ARIH2: variants seen among roughly 807,000 people sequenced by gnomAD.
The protein encoded by ARIH2 is ariadne RBR E3 ubiquitin protein ligase 2.
Under a neutral mutation model 79.8 loss-of-function variants are expected in ARIH2, and 12 were observed. The observed-to-expected ratio is 0.15, with a 90% CI of 0.10 to 0.24. ARIH2 has a LOEUF of 0.24. Ranked by LOEUF, ARIH2 falls within the 10% of genes least tolerant of loss-of-function variation. ARIH2 has a pLI of 1.00. For missense variants in ARIH2, 301 were observed against 618.3 expected (o/e 0.49, Z 5.44); for synonymous variants, 224 against 213.9 (o/e 1.05, Z -0.41).
chr3:48,948,738 A>G (rs912187719), intron 3 of ARIH2, among the ~76,000 whole-genome samples: 10 of 152,232 alleles, frequency 6.6e-5, no homozygotes, highest in African/African-American at 2.4e-4. Context: ...CCAAGTGACT[A>G]CTGATCTTCT....
Position 48,985,858 on chromosome 3 carries a change from C to G in ARIH2, c.*2588C>G, listed in dbSNP as rs894526523. 6.6e-6 allele frequency: 1 copy of G among 152,162 alleles called. No individual in the cohort carries two copies. The highest frequency in any genetic ancestry group is 2.4e-5 in the African/African-American group (1 of 41,406). The allele number at this position is 152,162 out of a possible 1,614,324, so 9.4% of individuals were successfully genotyped here. A position where few individuals can be genotyped will look rare whatever the true frequency, so the allele number is the denominator to read the frequency against. ...AGAGTACTGATATAAATGTCCCAAC[C>G]CCCCCATTCTGAGACCTCCGGACCC... On this transcript the variant is annotated 3_prime_UTR_variant, in exon 16 of 16. Coordinates refer to ENST00000356401, the MANE Select transcript of ARIH2 (RefSeq NM_006321.4).
chr3:48,961,799 CAT>C (rs1462040463), intron 4 of ARIH2, 120 bp downstream of exon 4: 3 of 638,042 alleles, frequency 4.7e-6, no homozygotes, highest in Non-Finnish European at 8.3e-6. Context: ...ATTTTTAAAA[CAT>C]TGGATTCTAT....
At chr3:48,978,960 CAA>C (rs938959082) in intron 11 of ARIH2, among the ~76,000 whole-genome samples, 3 of 99,120 alleles carry the variant, frequency 3.0e-5, no homozygotes, top group African/African-American at 3.9e-5. Flanking sequence ...GACTCTGTCT[CAA>C]AAAAAAAAAG....
chr3:48,947,297 C>T (rs749683899), intron 3 of ARIH2, among the ~76,000 whole-genome samples: 13 of 152,062 alleles, frequency 8.5e-5, no homozygotes, highest in African/African-American at 1.7e-4. Context: ...CAAAATTAGC[C>T]GGGCGTTGTA....
At chr3:48,943,162 A>C (rs1455720139) in intron 3 of ARIH2, 2 of 151,906 alleles carry the variant, frequency 1.3e-5, no homozygotes. Flanking sequence ...TGTTTTTCTG[A>C]TACATCCACT....
chr3:48,969,953 C>T (rs552132973), intron 7 of ARIH2, among the ~76,000 whole-genome samples: 2 of 150,706 alleles, frequency 1.3e-5, no homozygotes, highest in Admixed American at 6.6e-5. Flanking sequence ...TACAGGGACA[C>T]GATCTCAGCT....
At chr3:48,949,847 T>C (rs2089723102) in intron 3 of ARIH2, among the ~76,000 whole-genome samples, 2 of 152,068 alleles carry the variant, frequency 1.3e-5, no homozygotes, top group African/African-American at 2.4e-5. Context: ...TTTTACTCCA[T>C]CTAGTTCTGC....
intron 1 of ARIH2, among the ~76,000 whole-genome samples, chr3:48,920,291 T>A (rs924675584): frequency 5.3e-5 from 8 of 151,870 alleles, no homozygotes; most frequent in South Asian, 2.1e-4. Context: ...TTTAAAAAAA[T>A]TTTTTTTGAA....
Position 48,979,573 on chromosome 3 carries a change from C to T in ARIH2, c.1053C>T (p.Asn351=), listed in dbSNP as rs1047018106. The change falls in exon 12 of 16, where the codon AAC becomes AAT. Residue 351 remains asparagine (N), a synonymous_variant. Transcript: ENST00000356401. ...SRYKENPDIV[N]QSQQAQAREA... is the part of the protein sequence containing the mutation. ...ACAAGGAGAATCCTGACATCGTGAACCAGAGCCAACAAGCCCAGGCGAGGG... is the reference window on the plus strand; with the variant it reads ...ACAAGGAGAATCCTGACATCGTGAATCAGAGCCAACAAGCCCAGGCGAGGG... The T allele has an allele frequency of 6.2e-7, 1 of 1,614,120 alleles. No homozygotes were observed. The highest frequency in any genetic ancestry group is 1.3e-5 in the African/African-American group (1 of 74,936).
At chr3:48,950,133 T>G (rs2089761267) in intron 3 of ARIH2, among the ~76,000 whole-genome samples, 1 of 152,192 alleles carries the variant, frequency 6.6e-6, no homozygotes, top group Non-Finnish European at 1.5e-5. Flanking sequence ...GTTCTGTGTT[T>G]TGTTTGTTAT....
intron 3 of ARIH2, among the ~76,000 whole-genome samples, chr3:48,936,251 A>G (rs1419267910): frequency 6.6e-6 from 1 of 151,186 alleles, no homozygotes; most frequent in African/African-American, 2.4e-5. Flanking sequence ...GAAGGATTAG[A>G]TTTGTCTTCC....
intron 7 of ARIH2, among the ~76,000 whole-genome samples, chr3:48,970,037 C>T (rs758545273): frequency 3.3e-5 from 5 of 151,184 alleles, no homozygotes; most frequent in South Asian, 2.1e-4. Flanking sequence ...GTTACAAGCT[C>T]GCGCCACCAC....
Position 48,980,342 on chromosome 3 carries a change from G to A in ARIH2, c.1114-11G>A, listed in dbSNP as rs537686970. 1.2e-6 allele frequency: 2 copies of A among 1,611,720 alleles called. No individual in the cohort carries two copies. The highest frequency in any genetic ancestry group is 8.5e-7 in the Non-Finnish European group (1 of 1,179,442). ...ACTCCTGTGGTTTTCTTCTTCTTCTGTGCCCTGTAGTGGGAAAACCACAAT... is the reference window on the plus strand; with the variant it reads ...ACTCCTGTGGTTTTCTTCTTCTTCTATGCCCTGTAGTGGGAAAACCACAAT... On this transcript the variant is annotated splice_polypyrimidine_tract_variant and intron_variant, in intron 12 of 15. Coordinates refer to ENST00000356401, the MANE Select transcript of ARIH2 (RefSeq NM_006321.4).
intron 7 of ARIH2, among the ~76,000 whole-genome samples, chr3:48,970,117 C>A (rs1325455680): frequency 6.6e-6 from 1 of 152,116 alleles, no homozygotes; most frequent in Non-Finnish European, 1.5e-5. Flanking sequence ...GTCTCAAACT[C>A]CTGACCTCAG....
At chr3:48,930,406 C>T (rs868659897) in intron 3 of ARIH2, among the ~76,000 whole-genome samples, 1 of 152,236 alleles carries the variant, frequency 6.6e-6, no homozygotes, top group Non-Finnish European at 1.5e-5. Context: ...TCACTTGGGC[C>T]TGGGAGCGGA....
intron 3 of ARIH2, among the ~76,000 whole-genome samples, chr3:48,937,773 C>A (rs1029969700): frequency 1.3e-5 from 2 of 152,106 alleles, no homozygotes; most frequent in Admixed American, 1.3e-4. Context: ...CCTGGCCAGG[C>A]GCGGTGGCTC....
intron 3 of ARIH2, among the ~76,000 whole-genome samples, chr3:48,937,161 A>G (rs780621315): frequency 1.3e-5 from 2 of 152,270 alleles, no homozygotes; most frequent in Non-Finnish European, 2.9e-5. Flanking sequence ...TATAATTGTG[A>G]ACAAAATGTG....
chr3:48,978,918 G>A (rs988683198), intron 11 of ARIH2, among the ~76,000 whole-genome samples: 5 of 151,120 alleles, frequency 3.3e-5, no homozygotes, highest in African/African-American at 9.7e-5. Context: ...CCAAGATCGC[G>A]CCACTGCACT....
At chr3:48,975,325 A>G (rs890133387) in intron 11 of ARIH2, among the ~76,000 whole-genome samples, 1 of 152,190 alleles carries the variant, frequency 6.6e-6, no homozygotes, top group Non-Finnish European at 1.5e-5. Flanking sequence ...CGTTGTAGAT[A>G]CCTTTACCAG....
Sources: allele counts gnomAD v4.1 joint callset (sites outside exome capture counted in the v4.1 genomes callset), GRCh38; gene constraint gnomAD v4.1.1; transcripts MANE v1.5; gene names NCBI Gene and HGNC (gene_info 2026-07-23, HGNC 2026-07-21).